The following AKAP13 variants were observed in gnomAD, a reference collection of about 807,000 sequenced individuals.
The protein encoded by AKAP13 is A-kinase anchor protein 13.
AKAP13 carries 80 observed loss-of-function variants against 264.5 expected under a neutral mutation model. That is an observed-to-expected ratio of 0.30 (90% CI 0.25 to 0.36). AKAP13 has a LOEUF of 0.36. AKAP13 is among the 10% of genes least tolerant of loss of function. The pLI is 1.00. For missense variants in AKAP13, 3,712 were observed against 3,435.2 expected (o/e 1.08, Z -2.01); for synonymous variants, 1,380 against 1,250.2 (o/e 1.10, Z -2.19).
chr15:85,425,919 T>C (rs571771181), intron 1 of AKAP13, among the ~76,000 whole-genome samples: 2 of 149,002 alleles, frequency 1.3e-5, no homozygotes, highest in Non-Finnish European at 3.0e-5. Flanking sequence ...AAAAAAAGAG[T>C]CATTATCAGA....
At position 85,405,562 on chromosome 15, in the gene AKAP13, G is replaced by A. The variant is rs183095710; in HGVS notation, c.-12+24764G>A. On this transcript the variant is annotated intron_variant, in intron 1 of 36. Coordinates refer to ENST00000394518, the MANE Select transcript of AKAP13 (RefSeq NM_007200.5). ...ACTATGTGCTAGATGCTGTTTATTT[G>A]CCTTATTCACTAACCTGTGAAGATT... 1.5e-4 allele frequency among the ~76,000 whole-genome samples: 23 copies of A among 152,240 alleles called. No individual in the cohort carries two copies. The East Asian group carries it at 4.2e-3, about 28-fold the overall frequency.
chr15:85,487,983 G>T (rs1442862548), intron 2 of AKAP13, among the ~76,000 whole-genome samples: 1 of 152,184 alleles, frequency 6.6e-6, no homozygotes, highest in African/African-American at 2.4e-5. Flanking sequence ...CTGTAGCTGC[G>T]ATCTCCCAGG....
intron 25 of AKAP13, 46 bp downstream of exon 25, chr15:85,722,393 C>T (rs1451735224): frequency 1.2e-5 from 18 of 1,480,476 alleles, no homozygotes; most frequent in Non-Finnish European, 1.4e-5. Context: ...TGGACTGTTT[C>T]CTCTGTGGCC....
intron 5 of AKAP13, among the ~76,000 whole-genome samples, chr15:85,549,069 G>T (rs1449813512): frequency 6.6e-6 from 1 of 152,070 alleles, no homozygotes; most frequent in Non-Finnish European, 1.5e-5. Context: ...GCCTATGTCA[G>T]TTTTTCATAC....
intron 35 of AKAP13, among the ~76,000 whole-genome samples, chr15:85,741,729 CAAA>C (rs112524984): frequency 0.013 from 1,100 of 82,328 alleles, 16 homozygotes; most frequent in Middle Eastern, 0.041. Flanking sequence ...AACAAACAAA[CAAA>C]AAAAAAAAAC....
At chr15:85,589,801 G>A (rs2079516287) in intron 8 of AKAP13, among the ~76,000 whole-genome samples, 1 of 151,296 alleles carries the variant, frequency 6.6e-6, no homozygotes, top group African/African-American at 2.4e-5. Context: ...GTGAGCCCCT[G>A]CCTAATAAAT....
At chr15:85,681,282 T>C (rs145483726) in intron 14 of AKAP13, among the ~76,000 whole-genome samples, 1 of 152,356 alleles carries the variant, frequency 6.6e-6, no homozygotes, top group African/African-American at 2.4e-5. Context: ...TTCCCTGGAA[T>C]ATACATGGAA....
At position 85,620,146 on chromosome 15, in the gene AKAP13, A is replaced by G. The variant is rs1156788105; in HGVS notation, c.4162-19228A>G. 2.0e-6 allele frequency: 3 copies of G among 1,536,122 alleles called. No individual in the cohort carries two copies. In the Admixed American group the frequency reaches 5.9e-5, roughly 30 times the overall value. On this transcript the variant is annotated intron_variant, in intron 8 of 36. Transcript: ENST00000394518. ...CCTCTGTGACATCTCCAAGGTGGACAGGACTGTGGACGTGGTATTGCTGAA... is the reference window on the plus strand; with the variant it reads ...CCTCTGTGACATCTCCAAGGTGGACGGGACTGTGGACGTGGTATTGCTGAA...
chr15:85,448,848 CT>C (rs368790274), intron 1 of AKAP13, among the ~76,000 whole-genome samples: 149 of 129,534 alleles, frequency 1.2e-3, no homozygotes, highest in East Asian at 2.4e-3. Flanking sequence ...GCTATTCAGG[CT>C]TTTTTTTTTT....
At chr15:85,483,639 A>ACAAAACAAC (rs1241019891) in intron 1 of AKAP13, among the ~76,000 whole-genome samples, 1 of 122,226 alleles carries the variant, frequency 8.2e-6, no homozygotes, top group African/African-American at 2.7e-5. Context: ...TCTCAAAAAA[A>ACAAAACAAC]AAAAAAAAAA....
chr15:85,503,397 GCC>G (rs752057783), intron 2 of AKAP13, among the ~76,000 whole-genome samples: 10 of 152,138 alleles, frequency 6.6e-5, no homozygotes, highest in Non-Finnish European at 1.0e-4. Flanking sequence ...TGGTACTATA[GCC>G]CCCAAAGCAA....
intron 2 of AKAP13, among the ~76,000 whole-genome samples, chr15:85,498,220 ATATAT>A (rs2075939385): frequency 9.8e-6 from 1 of 101,904 alleles, no homozygotes; most frequent in African/African-American, 3.8e-5. Context: ...ATATATATAT[ATATAT>A]ATCACATTGA....
intron 5 of AKAP13, among the ~76,000 whole-genome samples, chr15:85,560,873 G>T (rs752893396): frequency 6.6e-6 from 1 of 152,060 alleles, no homozygotes; most frequent in Non-Finnish European, 1.5e-5. Context: ...AATGTGGCCA[G>T]TATTAACTCT....
At chr15:85,681,877 G>A (rs1231515754) in intron 14 of AKAP13, among the ~76,000 whole-genome samples, 2 of 152,124 alleles carry the variant, frequency 1.3e-5, no homozygotes, top group African/African-American at 4.8e-5. Context: ...CTTCATATGT[G>A]TTTAAGCATT....
At chr15:85,448,841 A>G (rs1209717702) in intron 1 of AKAP13, among the ~76,000 whole-genome samples, 4 of 136,426 alleles carry the variant, frequency 2.9e-5, no homozygotes, top group Non-Finnish European at 6.1e-5. Context: ...TGCCTTGGCT[A>G]TTCAGGCTTT....
chr15:85,444,614 CAATGT>C (rs1297350979), intron 1 of AKAP13, among the ~76,000 whole-genome samples: 1 of 152,060 alleles, frequency 6.6e-6, no homozygotes, highest in Non-Finnish European at 1.5e-5. Flanking sequence ...CCAAAAAACT[CAATGT>C]AATCTTTTTA....
intron 1 of AKAP13, among the ~76,000 whole-genome samples, chr15:85,406,659 T>A (rs192000654): frequency 6.6e-6 from 1 of 151,644 alleles, no homozygotes; most frequent in African/African-American, 2.4e-5. Flanking sequence ...AATTCCTATT[T>A]AGAAATAAAC....
At position 85,580,914 on chromosome 15, in the gene AKAP13, A is replaced by G; in HGVS notation, c.2846A>G (p.Glu949Gly). ...ENALSSGTLQ[E>G]EQRTPPPGQD... The stretch of plus-strand genomic sequence containing the variant: ...GCTCTCTCTTCAGGAACTTTGCAGG[A>G]AGAGCAGAGAACACCACCTCCTGGA... Residue 949 changes from glutamate to glycine, a missense_variant, in exon 7 of 37, where the codon GAA becomes GGA. Physicochemically the swap from Glu to Gly is moderately conservative, Grantham distance 98 (BLOSUM62 -2). Transcript: ENST00000394518. The G allele has an allele frequency of 6.2e-7, 1 of 1,614,216 alleles. No homozygotes were observed. Among genetic ancestry groups the G allele is most frequent in the Non-Finnish European group, 8.5e-7 (1 of 1,180,034 alleles).
chr15:85,451,941 A>G (rs1350109631), intron 1 of AKAP13, among the ~76,000 whole-genome samples: 2 of 151,982 alleles, frequency 1.3e-5, no homozygotes, highest in Admixed American at 1.3e-4. Context: ...GTTTTTGTGG[A>G]TGATACCCTG....
Sources: gnomAD v4.1 joint callset for allele counts (sites outside exome capture counted in the v4.1 genomes callset) on GRCh38, gnomAD v4.1.1 for gene constraint, MANE v1.5 for transcripts, NCBI Gene and HGNC (gene_info 2026-07-23, HGNC 2026-07-21) for gene names.